Variants in DPYD observed in about 807,000 individuals in gnomAD.
DPYD encodes dihydropyrimidine dehydrogenase.
A neutral mutation model predicts 116.2 loss-of-function variants in DPYD; 109 were observed. The observed-to-expected ratio is 0.94, with a 90% CI of 0.80 to 1.10. The LOEUF (loss-of-function observed/expected upper bound fraction) is 1.10, where lower values mean the gene tolerates loss of function less well. Ranked by LOEUF, DPYD falls within the 50% of genes least tolerant of loss-of-function variation. The pLI is 0.00. For synonymous variants in DPYD, 440 were observed against 432.0 expected, an observed-to-expected ratio of 1.02 and a Z score of -0.23; for missense variants, 1,302 against 1,254.5, an observed-to-expected ratio of 1.04 and a Z score of -0.57.
chr1:97,458,794 A>G (rs534893379), intron 13 of DPYD, among the ~76,000 whole-genome samples: 2 of 152,286 alleles, frequency 1.3e-5, no homozygotes, highest in South Asian at 4.1e-4. Flanking sequence ...CGAGGTTAAA[A>G]ATTTGGTTTA....
At chr1:97,751,194 T>C (rs560622590) in intron 3 of DPYD, among the ~76,000 whole-genome samples, 1 of 151,646 alleles carries the variant, frequency 6.6e-6, no homozygotes, top group South Asian at 2.1e-4. Flanking sequence ...AGTTCTGTGC[T>C]GGCAAAAGGG....
intron 1 of DPYD, among the ~76,000 whole-genome samples, chr1:97,916,106 A>G (rs1247170295): frequency 2.0e-5 from 3 of 152,182 alleles, no homozygotes; most frequent in African/African-American, 7.2e-5. Flanking sequence ...ATGATTGCTT[A>G]AAGATCTTCC....
At chr1:97,913,157 G>C (rs1674048692) in intron 1 of DPYD, among the ~76,000 whole-genome samples, 1 of 152,002 alleles carries the variant, frequency 6.6e-6, no homozygotes, top group South Asian at 2.1e-4. Context: ...AACTTTTCTT[G>C]TATTCTCAGG....
intron 20 of DPYD, among the ~76,000 whole-genome samples, chr1:97,177,052 T>C (rs538641040): frequency 2.3e-3 from 351 of 152,296 alleles, no homozygotes; most frequent in Non-Finnish European, 3.6e-3. Flanking sequence ...GAAAACATTC[T>C]GAAACTCATC....
At chr1:97,449,930 G>T in intron 14 of DPYD, 129 bp downstream of exon 14, 1 of 1,228,836 alleles carries the variant, frequency 8.1e-7, no homozygotes, top group South Asian at 1.3e-5. Context: ...CTATGCATCA[G>T]CAAAGCAACT....
At chr1:97,825,377 C>T (rs952573896) in intron 3 of DPYD, among the ~76,000 whole-genome samples, 2 of 151,736 alleles carry the variant, frequency 1.3e-5, no homozygotes, top group Non-Finnish European at 2.9e-5. Context: ...GGTGAAAGGC[C>T]CCCCAACACT....
chr1:97,631,120 C>G (rs985199300), intron 8 of DPYD, among the ~76,000 whole-genome samples: 23 of 152,166 alleles, frequency 1.5e-4, no homozygotes, highest in African/African-American at 4.8e-4. Flanking sequence ...TGGGCTATGG[C>G]GTCTCAACAG....
chr1:97,355,590 G>A (rs953202265), intron 16 of DPYD, among the ~76,000 whole-genome samples: 21 of 151,782 alleles, frequency 1.4e-4, no homozygotes, highest in African/African-American at 4.6e-4. Flanking sequence ...TCCCCACCCC[G>A]AGCTTCTGGT....
chr1:97,229,546 G>GTATGTATA (rs1553237946), intron 19 of DPYD, among the ~76,000 whole-genome samples: 1 of 58,164 alleles, frequency 1.7e-5, no homozygotes, highest in Non-Finnish European at 3.6e-5. Flanking sequence ...ACCATCCTAA[G>GTATGTATA]TATATATATA....
chr1:97,517,225 C>T (rs114388213), intron 12 of DPYD, among the ~76,000 whole-genome samples: 18 of 152,156 alleles, frequency 1.2e-4, no homozygotes, highest in African/African-American at 4.3e-4. Flanking sequence ...CAGGGATGTT[C>T]TGGGCTTCAA....
chr1:97,751,456 G>GTATATATATA (rs1326157374), intron 3 of DPYD, among the ~76,000 whole-genome samples: 102 of 24,372 alleles, frequency 4.2e-3, no homozygotes, highest in Non-Finnish European at 7.3e-3. Flanking sequence ...GTGTGTGTGT[G>GTATATATATA]TGTGTATATA....
At chr1:97,302,145 A>G (rs1437335920) in intron 18 of DPYD, among the ~76,000 whole-genome samples, 4 of 151,946 alleles carry the variant, frequency 2.6e-5, no homozygotes, top group African/African-American at 7.2e-5. Flanking sequence ...AGTTTTCTGC[A>G]TGGATTCTAG....
chr1:97,413,402 A>G (rs971118888), intron 14 of DPYD, among the ~76,000 whole-genome samples: 3 of 152,180 alleles, frequency 2.0e-5, no homozygotes, highest in Non-Finnish European at 2.9e-5. Context: ...GATTTTTGCT[A>G]TCTATTTAGG....
At chr1:97,617,583 TCTC>T (rs2100762469) in intron 8 of DPYD, among the ~76,000 whole-genome samples, 1 of 152,178 alleles carries the variant, frequency 6.6e-6, no homozygotes, top group South Asian at 2.1e-4. Context: ...GGATAAAACA[TCTC>T]CTATGAACTA....
chr1:97,357,960 G>C (rs1195552392), intron 16 of DPYD, among the ~76,000 whole-genome samples: 1 of 152,152 alleles, frequency 6.6e-6, no homozygotes, highest in Admixed American at 6.5e-5. Flanking sequence ...TTGGACAGTG[G>C]GTGCAGCCCA....
chr1:97,488,883 A>G (rs1006489971), intron 13 of DPYD, among the ~76,000 whole-genome samples: 1 of 152,184 alleles, frequency 6.6e-6, no homozygotes, highest in South Asian at 2.1e-4. Context: ...TGACTGCAGA[A>G]CTGCCTCTCA....
chr1:97,440,274 A>C (rs914416016), intron 14 of DPYD, among the ~76,000 whole-genome samples: 3 of 152,072 alleles, frequency 2.0e-5, no homozygotes, highest in African/African-American at 7.2e-5. Flanking sequence ...CAAAAAAAAA[A>C]AAAAAAATCC....
chr1:97,107,374 A>T (rs943856334), intron 20 of DPYD, among the ~76,000 whole-genome samples: 1 of 152,160 alleles, frequency 6.6e-6, no homozygotes, highest in Non-Finnish European at 1.5e-5. Context: ...TGGGAAGGGT[A>T]AAATGACTTA....
intron 3 of DPYD, among the ~76,000 whole-genome samples, chr1:97,744,163 T>A (rs775421849): frequency 6.6e-6 from 1 of 152,024 alleles, no homozygotes. Context: ...GGCCAAAAAC[T>A]ATTAAAGATA....
Sources: gnomAD v4.1 joint callset for allele counts (sites outside exome capture counted in the v4.1 genomes callset) on GRCh38, gnomAD v4.1.1 for gene constraint, MANE v1.5 for transcripts, NCBI Gene and HGNC (gene_info 2026-07-23, HGNC 2026-07-21) for gene names.